The following GPR179 variants were observed in gnomAD, a reference collection of about 807,000 sequenced individuals.
The protein encoded by GPR179 is G protein-coupled receptor 179, also known as probable G protein-coupled receptor 179.
A neutral mutation model predicts 70.8 loss-of-function variants in GPR179; 52 were observed. The observed-to-expected ratio is 0.73, with a 90% CI of 0.59 to 0.93. The LOEUF (loss-of-function observed/expected upper bound fraction) is 0.93. Among genes scored for constraint, GPR179 ranks in the 40% least tolerant of loss-of-function variants. The pLI is 0.00. For missense variants in GPR179, 2,734 were observed against 2,966.8 expected, an observed-to-expected ratio of 0.92 and a Z score of 1.82; for synonymous variants, 1,123 against 1,169.0, an observed-to-expected ratio of 0.96 and a Z score of 0.80.
chr17:38,328,083 T>A lies in GPR179; in HGVS notation c.5486A>T (p.Lys1829Met), dbSNP rs570625000. 1.2e-6 allele frequency: 2 copies of A among 1,614,168 alleles called. No individual in the cohort carries two copies. Among genetic ancestry groups the A allele is most frequent in the Non-Finnish European group, 1.7e-6 (2 of 1,180,030 alleles). ...PWEVSEGTTG[K>M]GLDQKAGSES... ...ACTCCCTGCCTTTTGGTCCAATCCC[T>A]TCCCAGTAGTTCCTTCACTTACCTC... Residue 1829 changes from lysine to methionine, a missense_variant, in exon 11 of 11, where the codon AAG becomes ATG. Coordinates refer to ENST00000616987, the MANE Select transcript of GPR179 (RefSeq NM_001004334.4).
rs202044824 is a variant in GPR179, at chr17:38,343,646, G to C, written c.144C>G (p.Pro48=). Residue 48 remains proline (P), a synonymous_variant, in exon 1 of 11, where the codon CCC becomes CCG. Coordinates refer to ENST00000616987, the MANE Select transcript of GPR179 (RefSeq NM_001004334.4). The surrounding 1 kb of genome is among the most constrained non-coding windows in gnomAD (Gnocchi z 4.2). The stretch of plus-strand genomic sequence containing the variant: ...CGGCCCCCTCTAGGGGCACCTGCAT[G>C]GGTACAGATCCTGGCTTGACTTGGG... ...LSSQVKPGSV[P]MQVPLEGAEA... 2.5e-6 allele frequency: 4 copies of C among 1,613,614 alleles called. No individual in the cohort carries two copies. The highest frequency in any genetic ancestry group is 1.7e-5 in the Admixed American group (1 of 59,996).
Position 38,327,098 on chromosome 17 carries a change from A to C in GPR179, c.6471T>G (p.Leu2157=). The change falls in exon 11 of 11, where the codon CTT becomes CTG. Residue 2157 remains leucine (L), a synonymous_variant. Transcript: ENST00000616987. ...CCGTCCCTCCAGGTCCTGCCTTCTG[A>C]AGGAACATCTCTCCTTGCCCTTGTG... is the stretch of plus-strand genomic sequence containing the variant. The part of the protein sequence containing the change: ...RESQGQGEMF[L]QKAGPGGTEE... 6.2e-7 allele frequency: 1 copy of C among 1,614,162 alleles called. No individual in the cohort carries two copies. The highest frequency in any genetic ancestry group is 8.5e-7 in the Non-Finnish European group (1 of 1,180,016).
Position 38,330,968 on chromosome 17 carries a change from C to T in GPR179, c.2601G>A (p.Lys867=). ...AYLEETYRQA[K]EREERKKAKA... is the part of the protein sequence containing the mutation. ...TGGCCTTCTTCCGCTCCTCCCGCTC[C>T]TTTGCTTGCCGGTAGGTCTCCTCCA... Residue 867 remains lysine (K), a synonymous_variant, in exon 11 of 11, where the codon AAG becomes AAA. Coordinates refer to ENST00000616987, the MANE Select transcript of GPR179 (RefSeq NM_001004334.4). 6.2e-7 allele frequency: 1 copy of T among 1,612,374 alleles called. No homozygotes were observed. The highest frequency in any genetic ancestry group is 8.5e-7 in the Non-Finnish European group (1 of 1,179,640).
chr17:38,338,602 G>A (rs2037425471), intron 2 of GPR179, among the ~76,000 whole-genome samples: 1 of 152,184 alleles, frequency 6.6e-6, no homozygotes. Flanking sequence ...GATGGTGGGA[G>A]CCCTTTTCCA....
rs768501380 is a variant in GPR179, at chr17:38,326,767, G to A, written c.6802C>T (p.Pro2268Ser). 2.1e-5 allele frequency: 34 copies of A among 1,614,064 alleles called. No homozygotes were observed. In the Admixed American group the frequency reaches 4.2e-4, roughly 20 times the overall value. Reference protein sequence around the residue: ...ALTATRREFFPTAPEKPLCLL... With the variant: ...ALTATRREFFSTAPEKPLCLL... ...CATAGTGGTTTTTCAGGAGCTGTGG[G>A]GAAAAATTCTCTCCGAGTTGCTGTT... The change falls in exon 11 of 11, where the codon CCC becomes TCC. Residue 2268 changes from proline (P) to serine (S), a missense_variant. Transcript: ENST00000616987.
At position 38,328,173 on chromosome 17, in the gene GPR179, C is replaced by G. The variant is rs549311679; in HGVS notation, c.5396G>C (p.Gly1799Ala). 1.6e-5 allele frequency: 26 copies of G among 1,612,748 alleles called. No individual in the cohort carries two copies. Reference protein sequence around the residue: ...QELDHMGCRPGEVCPWEAQEA... With the variant: ...QELDHMGCRPAEVCPWEAQEA... ...CTGTGCTTCCCAGGGACACACTTCA[C>G]CTGGCCTGCAGCCCATATGATCCAG... Residue 1799 changes from glycine to alanine, a missense_variant, in exon 11 of 11, where the codon GGT (glycine) becomes GCT (alanine). Physicochemically the swap from Gly to Ala is moderately conservative, Grantham distance 60. Coordinates refer to ENST00000616987, the MANE Select transcript of GPR179 (RefSeq NM_001004334.4).
chr17:38,328,855 C>A lies in GPR179; in HGVS notation c.4714G>T (p.Val1572Leu), dbSNP rs769754120. The change falls in exon 11 of 11, where the codon GTG (valine) becomes TTG (leucine). Residue 1572 changes from valine to leucine, a missense_variant. Physicochemically the swap from Val to Leu is conservative, Grantham distance 32 (BLOSUM62 1). Transcript: ENST00000616987. ...LCNGGSRATQ[V>L]CPQEDLRPEA... ...GGCCTGAGATCTTCCTGTGGACACACCTGCGTTGCTCTGCTTCCTCCATTG... is the reference window on the plus strand; with the variant it reads ...GGCCTGAGATCTTCCTGTGGACACAACTGCGTTGCTCTGCTTCCTCCATTG... 2 of 1,613,680 alleles carry A rather than the reference C, an allele frequency of 1.2e-6. No individual in the cohort carries two copies. Among genetic ancestry groups the A allele is most frequent in the African/African-American group, 1.3e-5 (1 of 74,764 alleles).
chr17:38,334,856 G>A lies in GPR179; in HGVS notation c.1646-14C>T. 6.2e-7 allele frequency: 1 copy of A among 1,609,996 alleles called. No individual in the cohort carries two copies. The highest frequency in any genetic ancestry group is 1.3e-5 in the African/African-American group (1 of 75,016). On this transcript the variant is annotated splice_polypyrimidine_tract_variant and intron_variant, in intron 7 of 10. Transcript: ENST00000616987. This position sits in a 1 kb window ranked among gnomAD's most constrained non-coding sequence, Gnocchi z 4.7. ...GCAGCAGCTCAGCTGTGGGGAGACAGGGAGGGAGAGAGCCGGCACCACCTC... is the reference window on the plus strand; with the variant it reads ...GCAGCAGCTCAGCTGTGGGGAGACAAGGAGGGAGAGAGCCGGCACCACCTC...
Position 38,327,317 on chromosome 17 carries a change from A to T in GPR179, c.6252T>A (p.Gly2084=), listed in dbSNP as rs1597661224. 2 of 1,614,034 alleles carry T rather than the reference A, an allele frequency of 1.2e-6. No individual in the cohort carries two copies. Among genetic ancestry groups the T allele is most frequent in the Non-Finnish European group, 8.5e-7 (1 of 1,180,004 alleles). ...VCPWESQDGK[G]LSPQPAPDAS... is the part of the protein sequence containing the mutation. ...CATCTGGGGCTGGCTGTGGGGACAGACCCTTGCCATCTTGACTCTCCCAGG... is the reference window on the plus strand; with the variant it reads ...CATCTGGGGCTGGCTGTGGGGACAGTCCCTTGCCATCTTGACTCTCCCAGG... The change falls in exon 11 of 11, where the codon GGT becomes GGA. Residue 2084 remains glycine, a synonymous_variant. Transcript: ENST00000616987.
Position 38,327,221 on chromosome 17 carries a change from C to T in GPR179, c.6348G>A (p.Leu2116=). ...CAGAGGGAGCCTCTACCACTTCCCA[C>T]AGACACACTTCCGCTACCCTGGTCT... ...SVETRVAEVC[L]WEVVEAPSAK... The change falls in exon 11 of 11, where the codon CTG becomes CTA. Residue 2116 remains leucine (L), a synonymous_variant. Coordinates refer to ENST00000616987, the MANE Select transcript of GPR179 (RefSeq NM_001004334.4). 2 of 1,614,272 alleles carry T rather than the reference C, an allele frequency of 1.2e-6. No individual in the cohort carries two copies. The highest frequency in any genetic ancestry group is 1.3e-5 in the African/African-American group (1 of 75,074).
At position 38,336,432 on chromosome 17, in the gene GPR179, C is replaced by T. The variant is rs191437295; in HGVS notation, c.1228-288G>A. Among the ~76,000 whole-genome samples, 176 of 152,354 alleles carry T rather than the reference C, an allele frequency of 1.2e-3. 2 individuals carry two copies. The highest frequency in any genetic ancestry group is 4.1e-3 in the African/African-American group (171 of 41,588). ...AGACCTAGGCTCAAATCAGAGGCTG[C>T]TGGAGCTGGAAGGGATCTCATGCAT... is the stretch of plus-strand genomic sequence containing the variant. On this transcript the variant is annotated intron_variant, in intron 4 of 10. Coordinates refer to ENST00000616987, the MANE Select transcript of GPR179 (RefSeq NM_001004334.4).
chr17:38,334,575 G>A lies in GPR179; in HGVS notation c.1784+129C>T. 2 of 931,308 alleles carry A rather than the reference G, an allele frequency of 2.1e-6. No individual in the cohort carries two copies. Among genetic ancestry groups the A allele is most frequent in the South Asian group, 1.6e-5 (1 of 64,434 alleles). The allele number at this position is 931,308 out of a possible 1,614,324, so 57.7% of individuals were successfully genotyped here. ...GGGGTAGGGAGAGAGCCAGAAGTGG[G>A]GGCCTTCGTCAACGTGCTGAGGCGT... is the stretch of plus-strand genomic sequence containing the variant. On this transcript the variant is annotated intron_variant, in intron 8 of 10. Coordinates refer to ENST00000616987, the MANE Select transcript of GPR179 (RefSeq NM_001004334.4). The surrounding 1 kb of genome is among the most constrained non-coding windows in gnomAD (Gnocchi z 4.7).
Position 38,330,589 on chromosome 17 carries a change from G to C in GPR179, c.2980C>G (p.Pro994Ala). The C allele has an allele frequency of 1.3e-6, 2 of 1,579,314 alleles. No homozygotes were observed. Among genetic ancestry groups the C allele is most frequent in the Non-Finnish European group, 1.7e-6 (2 of 1,164,712 alleles). Residue 994 changes from proline (P) to alanine (A), a missense_variant, in exon 11 of 11, where the codon CCC becomes GCC. Transcript: ENST00000616987. ...GCTGGCAGTTCTGCGTTCTCCCAGG[G>C]GCAGATGTAGGTGAGTAAGTTGGGG... The part of the protein sequence containing the change: ...QSPNLLTYIC[P>A]WENAELPAKQ...
In GPR179 at chr17:38,334,732, G is replaced by A; in HGVS notation, c.1756C>T (p.Leu586=). 1 of 1,613,882 alleles carries A rather than the reference G, an allele frequency of 6.2e-7. No individual in the cohort carries two copies. Among genetic ancestry groups the A allele is most frequent in the South Asian group, 1.1e-5 (1 of 91,076 alleles). Residue 586 remains leucine, a synonymous_variant, in exon 8 of 11, where the codon CTG becomes TTG. Transcript: ENST00000616987. This position sits in a 1 kb window ranked among gnomAD's most constrained non-coding sequence, Gnocchi z 4.7. ...YMGIALHNEL[L]LSAAFHTARF... ...GCTGTGTGGAAGGCAGCGGAAAGCAGTAGCTCATTGTGCAGGGCGATGCCC... is the reference window on the plus strand; with the variant it reads ...GCTGTGTGGAAGGCAGCGGAAAGCAATAGCTCATTGTGCAGGGCGATGCCC...
At chr17:38,333,746 C>T (rs1294978942) in intron 9 of GPR179, among the ~76,000 whole-genome samples, 187 bp downstream of exon 9, 1 of 152,186 alleles carries the variant, frequency 6.6e-6, no homozygotes, top group African/African-American at 2.4e-5. Flanking sequence ...TGCCCAGGAA[C>T]TGGAAGCAGA....
Position 38,334,687 on chromosome 17 carries a change from G to A in GPR179, c.1784+17C>T. Reference sequence around the variant, plus strand: ...GTTAGAGTGGAAGGGGGTGTGGGGAGGTGAGTCCGTCCTCACCTGGCTGTG... The same window carrying A: ...GTTAGAGTGGAAGGGGGTGTGGGGAAGTGAGTCCGTCCTCACCTGGCTGTG... On this transcript the variant is annotated intron_variant, in intron 8 of 10. Transcript: ENST00000616987. This position sits in a 1 kb window ranked among gnomAD's most constrained non-coding sequence, Gnocchi z 4.7. 6.2e-7 allele frequency: 1 copy of A among 1,612,390 alleles called. No homozygotes were observed. Among genetic ancestry groups the A allele is most frequent in the Non-Finnish European group, 8.5e-7 (1 of 1,178,950 alleles).
In GPR179 at chr17:38,336,153, C is replaced by T. The variant is rs566773338; in HGVS notation, c.1228-9G>A. On this transcript the variant is annotated splice_polypyrimidine_tract_variant and intron_variant, in intron 4 of 10. Transcript: ENST00000616987. ...CCAGATGCCCAGATCCTCTGTGAAG[C>T]AAGGAGAGAGGCATGTGAGCAGAGT... The T allele has an allele frequency of 2.7e-5, 43 of 1,601,466 alleles. No individual in the cohort carries two copies. The East Asian group carries it at 9.6e-4, about 36-fold the overall frequency.
intron 2 of GPR179, 33 bp downstream of exon 2, chr17:38,339,384 T>C (rs759086217): frequency 2.1e-6 from 3 of 1,396,156 alleles, no homozygotes; most frequent in Non-Finnish European, 2.0e-6. Context: ...GAGGCAGGAC[T>C]CTAGTAGCGC....
rs758161410 is a variant in GPR179 at position 38,328,297 on chromosome 17, A to C, written c.5272T>G (p.Trp1758Gly). ...PEKPQKPTPE[W>G]EVACPWGSVG... ...CTCCCCCAGGGACAAGCCACCTCCC[A>C]CTCTGGGGTTGGCTTCTGTGGCTTC... Residue 1758 changes from tryptophan to glycine, a missense_variant, in exon 11 of 11, where the codon TGG becomes GGG. Transcript: ENST00000616987. 6.2e-7 allele frequency: 1 copy of C among 1,613,234 alleles called. No individual in the cohort carries two copies. The highest frequency in any genetic ancestry group is 1.1e-5 in the South Asian group (1 of 91,038).
Sources: allele counts gnomAD v4.1 joint callset (sites outside exome capture counted in the v4.1 genomes callset), GRCh38; gene constraint gnomAD v4.1.1; non-coding constraint Gnocchi (gnomAD v3.1); transcripts MANE v1.5; gene names NCBI Gene and HGNC (gene_info 2026-07-23, HGNC 2026-07-21).